The following COL6A6 variants were observed in gnomAD, a reference collection of about 807,000 sequenced individuals.
The protein encoded by COL6A6 is collagen alpha-6(VI) chain.
In COL6A6, 183 loss-of-function variants were observed where a neutral mutation model predicts 208.6. The observed-to-expected ratio is 0.88, with a 90% CI of 0.78 to 0.99. COL6A6 has a LOEUF of 0.99. Among genes scored for constraint, COL6A6 ranks in the 50% least tolerant of loss-of-function variants. The pLI is 0.00. For missense variants in COL6A6, 2,816 were observed against 2,815.2 expected, an observed-to-expected ratio of 1.00 and a Z score of -0.01; for synonymous variants, 973 against 1,011.8, an observed-to-expected ratio of 0.96 and a Z score of 0.73.
chr3:130,565,257 G>A lies in COL6A6; in HGVS notation c.925G>A (p.Gly309Arg). Residue 309 changes from glycine (G) to arginine (R), a missense_variant, in exon 4 of 37, where the codon GGA becomes AGA. Physicochemically the swap from Gly to Arg is moderately radical, Grantham distance 125. Transcript: ENST00000358511. ...LSPRTGKAYT[G>R]AAIKKLRKEV... ...TCCCCGAACTGGGAAGGCCTATACT[G>A]GAGCTGCCATCAAAAAGCTCAGGAA... The A allele has an allele frequency of 6.2e-7, 1 of 1,614,038 alleles. No individual in the cohort carries two copies. The highest frequency in any genetic ancestry group is 8.5e-7 in the Non-Finnish European group (1 of 1,179,906).
At chr3:130,621,979 G>C in intron 24 of COL6A6, 96 bp downstream of exon 24, 1 of 1,063,860 alleles carries the variant, frequency 9.4e-7, no homozygotes, top group Non-Finnish European at 1.4e-6. Flanking sequence ...ACACAAACAA[G>C]AACACATTTT....
intron 28 of COL6A6, among the ~76,000 whole-genome samples, chr3:130,639,748 G>C (rs1408558399): frequency 1.3e-5 from 2 of 150,782 alleles, no homozygotes; most frequent in South Asian, 2.1e-4. Context: ...AGTGGGGCTT[G>C]TCAACTACCG....
chr3:130,599,267 A>G (rs2063936223), intron 19 of COL6A6, among the ~76,000 whole-genome samples: 1 of 152,320 alleles, frequency 6.6e-6, no homozygotes, highest in Middle Eastern at 3.4e-3. Flanking sequence ...ATTATTGCAT[A>G]CTTTTGTATC....
At chr3:130,599,644 C>G in intron 19 of COL6A6, 113 bp from the exon 20 acceptor site, 2 of 978,996 alleles carry the variant, frequency 2.0e-6, no homozygotes, top group South Asian at 2.8e-5. Flanking sequence ...AAAGGTAACT[C>G]TCTCATTGGT....
intron 6 of COL6A6, among the ~76,000 whole-genome samples, chr3:130,570,158 T>C (rs1403129164): frequency 6.6e-6 from 1 of 152,260 alleles, no homozygotes; most frequent in Non-Finnish European, 1.5e-5. Context: ...CCTGCTTTTC[T>C]GTTCCATGGT....
chr3:130,648,819 A>T (rs549386461), intron 32 of COL6A6, among the ~76,000 whole-genome samples: 56 of 152,328 alleles, frequency 3.7e-4, no homozygotes, highest in African/African-American at 1.3e-3. Flanking sequence ...ATGAACTTTA[A>T]CATTTCATAT....
intron 14 of COL6A6, 29 bp from the exon 15 acceptor site, chr3:130,592,667 A>G (rs1339465840): frequency 1.2e-6 from 2 of 1,612,816 alleles, no homozygotes; most frequent in Admixed American, 3.3e-5. Context: ...ATTTTCCTAC[A>G]CTAACTATAA....
chr3:130,555,507 C>T (rs1254237624), intron 1 of COL6A6, among the ~76,000 whole-genome samples: 1 of 152,172 alleles, frequency 6.6e-6, no homozygotes, highest in African/African-American at 2.4e-5. Flanking sequence ...TGCCATCTTG[C>T]CCCCTGTCCC....
At chr3:130,567,291 A>G in intron 5 of COL6A6, 29 bp downstream of exon 5, 1 of 1,525,906 alleles carries the variant, frequency 6.6e-7, no homozygotes, top group Non-Finnish European at 8.9e-7. Flanking sequence ...TTACCTACTG[A>G]CCTTCACTCG....
intron 7 of COL6A6, among the ~76,000 whole-genome samples, chr3:130,573,187 C>T (rs1376111135): frequency 6.6e-6 from 1 of 152,188 alleles, no homozygotes. Context: ...TATTTATTGG[C>T]TCAAATGACC....
intron 33 of COL6A6, among the ~76,000 whole-genome samples, chr3:130,658,216 T>C (rs2065845564): frequency 6.6e-6 from 1 of 152,226 alleles, no homozygotes; most frequent in Non-Finnish European, 1.5e-5. Context: ...CTGATACTCT[T>C]TCTTAAATGG....
At chr3:130,577,427 G>A (rs1425657979) in intron 8 of COL6A6, among the ~76,000 whole-genome samples, 1 of 152,150 alleles carries the variant, frequency 6.6e-6, no homozygotes, top group African/African-American at 2.4e-5. Context: ...TCTAAGTGTT[G>A]TGCTTCACCA....
Position 130,568,349 on chromosome 3 carries a change from A to G in COL6A6, c.2146A>G (p.Lys716Glu). 1 of 1,613,890 alleles carries G rather than the reference A, an allele frequency of 6.2e-7. No individual in the cohort carries two copies. Among genetic ancestry groups the G allele is most frequent in the South Asian group, 1.1e-5 (1 of 91,076 alleles). ...SFVSQYFSPT[K>E]GARPNIRKFL... ...TGTGTCTCAGTACTTCAGCCCCACC[A>G]AGGGCGCCCGGCCCAACATCAGAAA... The change falls in exon 6 of 37, where the codon AAG becomes GAG. Residue 716 changes from lysine (K) to glutamate (E), a missense_variant. Physicochemically the swap from Lys to Glu is moderately conservative, Grantham distance 56 (BLOSUM62 1). Transcript: ENST00000358511.
At position 130,566,966 on chromosome 3, in the gene COL6A6, G is replaced by A. The variant is rs1266499149; in HGVS notation, c.1547G>A (p.Gly516Asp). 1.2e-6 allele frequency: 2 copies of A among 1,613,926 alleles called. No homozygotes were observed. The highest frequency in any genetic ancestry group is 1.7e-6 in the Non-Finnish European group (2 of 1,179,912). Residue 516 changes from glycine to aspartate, a missense_variant, in exon 5 of 37, where the codon GGC becomes GAC. Gly to Asp is a moderately conservative substitution (Grantham distance 94, BLOSUM62 -1). Coordinates refer to ENST00000358511, the MANE Select transcript of COL6A6 (RefSeq NM_001102608.3). ...CAGATGGGTGGGAATACAAACACAG[G>A]CGCAGCACTGAATTTCACACTGAGT... The part of the protein sequence containing the change: ...IRQMGGNTNT[G>D]AALNFTLSLL...
rs751346657 is a variant in COL6A6, at chr3:130,574,245, C to T, written c.3267C>T (p.Tyr1089=). Reference sequence around the variant, plus strand: ...CTGCACTCAGGGAGGTGGAACATTACTTCAGGCCAGACATGGGCAGCAGGA... The same window carrying T: ...CTGCACTCAGGGAGGTGGAACATTATTTCAGGCCAGACATGGGCAGCAGGA... ...IGAALREVEH[Y]FRPDMGSRIN... The change falls in exon 8 of 37, where the codon TAC becomes TAT. Residue 1089 remains tyrosine (Y), a synonymous_variant. Coordinates refer to ENST00000358511, the MANE Select transcript of COL6A6 (RefSeq NM_001102608.3). The T allele has an allele frequency of 6.2e-7, 1 of 1,614,010 alleles. No homozygotes were observed. Among genetic ancestry groups the T allele is most frequent in the Non-Finnish European group, 8.5e-7 (1 of 1,179,900 alleles).
rs145653596 is a variant in COL6A6, at chr3:130,576,187, G to A, written c.3547+1662G>A. Among the ~76,000 whole-genome samples, 3 of 152,238 alleles carry A rather than the reference G, an allele frequency of 2.0e-5. No individual in the cohort carries two copies. In the East Asian group the frequency reaches 5.8e-4, roughly 29 times the overall value. On this transcript the variant is annotated intron_variant, in intron 8 of 36. Transcript: ENST00000358511. ...TGTAGGGAGGGCAATATTCCATCCT[G>A]TGTCTCATGCTTTAGAATTTCCAGG...
chr3:130,634,242 TAAAAA>T lies in COL6A6; in HGVS notation c.4993-328_4993-324del, dbSNP rs202193097. 0.016 allele frequency among the ~76,000 whole-genome samples: 369 copies of T among 23,748 alleles called. 39 individuals carry two copies. In the East Asian group the frequency reaches 0.3, roughly 19 times the overall value. 15.6% of individuals were successfully genotyped at this position (23,748 alleles called of 152,430 possible). On this transcript the variant is annotated intron_variant, in intron 26 of 36. Coordinates refer to ENST00000358511, the MANE Select transcript of COL6A6 (RefSeq NM_001102608.3). ...ATAAATAAATAAATAAATAAATAAA[TAAAAA>T]AAAAAAAAAAAAAAAAAAAGATCGT...
chr3:130,615,318 GT>G (rs1239224526), intron 23 of COL6A6, among the ~76,000 whole-genome samples: 1 of 151,632 alleles, frequency 6.6e-6, no homozygotes, highest in East Asian at 1.9e-4. Flanking sequence ...ATATGATTTT[GT>G]TTTTTTTCTA....
chr3:130,554,123 A>C (rs1201594233), intron 1 of COL6A6, among the ~76,000 whole-genome samples: 1 of 152,198 alleles, frequency 6.6e-6, no homozygotes, highest in African/African-American at 2.4e-5. Context: ...ACTAGTGGGT[A>C]GTGCTAGCCA....
Sources: gnomAD v4.1 joint callset for allele counts (sites outside exome capture counted in the v4.1 genomes callset) on GRCh38, gnomAD v4.1.1 for gene constraint, MANE v1.5 for transcripts, NCBI Gene and HGNC (gene_info 2026-07-23, HGNC 2026-07-21) for gene names.